The following AGO2 variants were observed in gnomAD, a reference collection of about 807,000 sequenced individuals.
AGO2 encodes protein argonaute-2.
In AGO2, 5 loss-of-function variants were observed where a neutral mutation model predicts 102.3. That is an observed-to-expected ratio of 0.05 (90% CI 0.03 to 0.10). AGO2 has a LOEUF of 0.10. Among genes scored for constraint, AGO2 ranks in the 10% least tolerant of loss-of-function variants. The pLI, the probability that AGO2 is intolerant of heterozygous loss-of-function variation, is 1.00. For missense variants in AGO2, 541 were observed against 1,183.7 expected (o/e 0.46, Z 7.97); for synonymous variants, 449 against 473.1 (o/e 0.95, Z 0.66).
rs1224126012 is a variant in AGO2 at position 140,529,946 on chromosome 8, C to T, written c.*2098G>A. Reference sequence around the variant, plus strand: ...TTGAAAAGTTATTAGTCACAAGATTCCCTCCTTAGCTTGAATGCATCCATT... The same window carrying T: ...TTGAAAAGTTATTAGTCACAAGATTTCCTCCTTAGCTTGAATGCATCCATT... On this transcript the variant is annotated 3_prime_UTR_variant, in exon 19 of 19. Transcript: ENST00000220592. 1 of 152,196 alleles carries T rather than the reference C, an allele frequency of 6.6e-6. No individual in the cohort carries two copies. The highest frequency in any genetic ancestry group is 1.5e-5 in the Non-Finnish European group (1 of 68,036). 9.4% of individuals were successfully genotyped at this position (152,196 alleles called of 1,614,324 possible). A position where few individuals can be genotyped will look rare whatever the true frequency, so the allele number is the denominator to read the frequency against.
chr8:140,632,459 A>T (rs2074353957), intron 1 of AGO2, among the ~76,000 whole-genome samples: 1 of 152,260 alleles, frequency 6.6e-6, no homozygotes, highest in African/African-American at 2.4e-5. Context: ...AGTGAAGTTC[A>T]GCTCTTCTCA....
chr8:140,577,520 T>G (rs2073485512), intron 2 of AGO2, among the ~76,000 whole-genome samples: 1 of 152,216 alleles, frequency 6.6e-6, no homozygotes, highest in Non-Finnish European at 1.5e-5. Context: ...GGGATGTATT[T>G]TTATTTGATA....
At chr8:140,532,976 C>T (rs1242915325) in intron 17 of AGO2, among the ~76,000 whole-genome samples, 3 of 130,416 alleles carry the variant, frequency 2.3e-5, no homozygotes, top group Non-Finnish European at 4.8e-5. Flanking sequence ...CCAGCCTGGG[C>T]AACAGAGAGA....
At chr8:140,580,679 G>A (rs1019924579) in intron 2 of AGO2, among the ~76,000 whole-genome samples, 1 of 152,244 alleles carries the variant, frequency 6.6e-6, no homozygotes, top group Non-Finnish European at 1.5e-5. Flanking sequence ...GTCTCAGGAA[G>A]GTGGGTCATG....
chr8:140,597,568 A>AAGG (rs1009448904), intron 1 of AGO2, among the ~76,000 whole-genome samples: 1 of 145,354 alleles, frequency 6.9e-6, no homozygotes, highest in African/African-American at 2.6e-5. Flanking sequence ...TTGAGGATGG[A>AAGG]AGGAGAAATA....
At chr8:140,612,746 ACT>A (rs2152102335) in intron 1 of AGO2, among the ~76,000 whole-genome samples, 1 of 150,360 alleles carries the variant, frequency 6.7e-6, no homozygotes, top group East Asian at 2.0e-4. Context: ...GACCCAAAAA[ACT>A]CGGTCTCAAA....
chr8:140,578,652 G>A (rs1277541071), intron 2 of AGO2, among the ~76,000 whole-genome samples: 8 of 152,198 alleles, frequency 5.3e-5, no homozygotes, highest in South Asian at 2.1e-4. Flanking sequence ...CATGCATTCC[G>A]TCCACCAGTG....
Position 140,540,458 on chromosome 8 carries a change from C to T in AGO2, c.2034+706G>A, listed in dbSNP as rs561278359. Among the ~76,000 whole-genome samples, 93 of 152,320 alleles carry T rather than the reference C, an allele frequency of 6.1e-4. No individual in the cohort carries two copies. Among genetic ancestry groups the T allele is most frequent in the Non-Finnish European group, 7.2e-4 (49 of 68,014 alleles). ...GGCATGGCGAGGGGTGGGGAGGAAT[C>T]GGCTCTAGCCAACGGGAGAAACATT... is the stretch of plus-strand genomic sequence containing the variant. On this transcript the variant is annotated intron_variant, in intron 15 of 18. Coordinates refer to ENST00000220592, the MANE Select transcript of AGO2 (RefSeq NM_012154.5). This position sits in a 1 kb window ranked among gnomAD's most constrained non-coding sequence, Gnocchi z 5.0.
intron 10 of AGO2, among the ~76,000 whole-genome samples, chr8:140,553,809 C>T (rs1224056903): frequency 1.3e-5 from 2 of 152,210 alleles, no homozygotes; most frequent in African/African-American, 2.4e-5. Flanking sequence ...AGTGGTTCTC[C>T]TGCCTCAGTC....
rs2072797447 is a variant in AGO2 at position 140,541,484 on chromosome 8, G to A, written c.1840-126C>T. 1.0e-5 allele frequency: 9 copies of A among 894,536 alleles called. No homozygotes were observed. The East Asian group carries it at 2.2e-4, about 22-fold the overall frequency. The allele number at this position is 894,536 out of a possible 1,614,324, so 55.4% of individuals were successfully genotyped here. On this transcript the variant is annotated intron_variant, in intron 14 of 18. Transcript: ENST00000220592. ...ACCCTGGAACTCATGTCACTGTCAA[G>A]TGACAATGGCTGGCTGGGTGTGAAC...
chr8:140,624,721 C>T (rs1039843603), intron 1 of AGO2, among the ~76,000 whole-genome samples: 10 of 152,156 alleles, frequency 6.6e-5, no homozygotes, highest in Admixed American at 3.3e-4. Context: ...CTTCGGATGC[C>T]GGACACTATG....
In AGO2 at chr8:140,531,552, G is replaced by A. The variant is rs570537188; in HGVS notation, c.*492C>T. 77 of 155,968 alleles carry A rather than the reference G, an allele frequency of 4.9e-4. No homozygotes were observed. The Middle Eastern group carries it at 0.01, about 21-fold the overall frequency. 9.7% of individuals were successfully genotyped at this position (155,968 alleles called of 1,614,324 possible). On this transcript the variant is annotated 3_prime_UTR_variant, in exon 19 of 19. Coordinates refer to ENST00000220592, the MANE Select transcript of AGO2 (RefSeq NM_012154.5). ...TGGGTGAGCCACGCCAGGGGCACAC[G>A]AGCATCGCCTGGAAATCAACTTTAG... is the stretch of plus-strand genomic sequence containing the variant.
chr8:140,558,794 A>G (rs2073144938), intron 6 of AGO2, among the ~76,000 whole-genome samples: 1 of 152,202 alleles, frequency 6.6e-6, no homozygotes, highest in Non-Finnish European at 1.5e-5. Context: ...GGCTCAGCTT[A>G]GAGCATGGGG....
At chr8:140,566,852 G>A (rs1174749188) in intron 3 of AGO2, among the ~76,000 whole-genome samples, 1 of 152,216 alleles carries the variant, frequency 6.6e-6, no homozygotes, top group Non-Finnish European at 1.5e-5. Flanking sequence ...GTAGCCGGTC[G>A]CTGAGAAGGG....
intron 1 of AGO2, among the ~76,000 whole-genome samples, chr8:140,625,791 C>A (rs1471131207): frequency 1.3e-5 from 2 of 152,236 alleles, no homozygotes; most frequent in Non-Finnish European, 2.9e-5. Context: ...CAGGAGAATG[C>A]TCTGCACTCC....
Position 140,536,046 on chromosome 8 carries a change from C to T in AGO2, c.2170-477G>A, listed in dbSNP as rs537374405. Among the ~76,000 whole-genome samples the T allele has an allele frequency of 5.1e-4, 77 of 152,344 alleles. No homozygotes were observed. In the South Asian group the frequency reaches 0.011, roughly 21 times the overall value. On this transcript the variant is annotated intron_variant, in intron 16 of 18. Coordinates refer to ENST00000220592, the MANE Select transcript of AGO2 (RefSeq NM_012154.5). ...GCTGTCAGGAGTGCCTGTGCTTTGC[C>T]GGTAGCTTGCGCCCAGCACCTGAGA...
At position 140,635,566 on chromosome 8, in the gene AGO2, G is replaced by A. The variant is rs896539798; in HGVS notation, c.-60C>T. 2.6e-5 allele frequency: 25 copies of A among 973,054 alleles called. No homozygotes were observed. The highest frequency in any genetic ancestry group is 2.9e-5 in the Non-Finnish European group (24 of 821,964). The allele number at this position is 973,054 out of a possible 1,614,324, so 60.3% of individuals were successfully genotyped here. On this transcript the variant is annotated 5_prime_UTR_variant, in exon 1 of 19. Coordinates refer to ENST00000220592, the MANE Select transcript of AGO2 (RefSeq NM_012154.5). ...CGGCCGCGCGCGCGCCACGGGCCCC[G>A]ACGCCGCGAGCCGCGAGGGAGCCGC...
chr8:140,549,572 C>T (rs1272127100), intron 11 of AGO2, among the ~76,000 whole-genome samples: 1 of 152,286 alleles, frequency 6.6e-6, no homozygotes, highest in African/African-American at 2.4e-5. Context: ...CGTAACACAG[C>T]AGCCTTTAAA....
chr8:140,541,528 G>A, intron 14 of AGO2, 170 bp from the exon 15 acceptor site: 1 of 606,366 alleles, frequency 1.6e-6, no homozygotes, highest in Non-Finnish European at 2.8e-6. Flanking sequence ...TAGGCTTTTG[G>A]TGTCTGGCAA....
Sources: allele counts gnomAD v4.1 joint callset (sites outside exome capture counted in the v4.1 genomes callset), GRCh38; gene constraint gnomAD v4.1.1; non-coding constraint Gnocchi (gnomAD v3.1); transcripts MANE v1.5; gene names NCBI Gene and HGNC (gene_info 2026-07-23, HGNC 2026-07-21).